The following FRRS1 variants were observed in gnomAD, a reference collection of about 807,000 sequenced individuals.
FRRS1 encodes the protein ferric reductase 1.
Under a neutral mutation model 70.7 loss-of-function variants are expected in FRRS1, and 51 were observed. That is an observed-to-expected ratio of 0.72 (90% CI 0.58 to 0.91). The LOEUF (loss-of-function observed/expected upper bound fraction) is 0.91. Among genes scored for constraint, FRRS1 ranks in the 40% least tolerant of loss-of-function variants. The probability of loss-of-function intolerance (pLI) is 0.00; values close to 1 mark genes in which losing one functional copy is unlikely to be tolerated. For missense variants in FRRS1, 672 were observed against 726.0 expected, an observed-to-expected ratio of 0.93 and a Z score of 0.86; for synonymous variants, 225 against 238.7, an observed-to-expected ratio of 0.94 and a Z score of 0.53.
intron 15 of FRRS1, among the ~76,000 whole-genome samples, chr1:99,709,813 A>T (rs1056320015): frequency 1.3e-5 from 2 of 152,064 alleles, no homozygotes; most frequent in East Asian, 1.9e-4. Flanking sequence ...AAAAAAATTT[A>T]AAAACTTAGC....
At chr1:99,719,799 G>A in intron 9 of FRRS1, 152 bp from the exon 10 acceptor site, 1 of 575,370 alleles carries the variant, frequency 1.7e-6, no homozygotes, top group South Asian at 2.1e-5. Context: ...ATATGCAAAA[G>A]CAACATAAAG....
intron 1 of FRRS1, among the ~76,000 whole-genome samples, chr1:99,760,754 A>C (rs1657078174): frequency 6.6e-6 from 1 of 152,048 alleles, no homozygotes; most frequent in Admixed American, 6.5e-5. Context: ...GGTTCAAGCG[A>C]TTCTCCTGCC....
intron 2 of FRRS1, 55 bp from the exon 3 acceptor site, chr1:99,748,823 C>T: frequency 7.3e-7 from 1 of 1,368,928 alleles, no homozygotes; most frequent in Non-Finnish European, 1.0e-6. Context: ...AATATAAAAG[C>T]TTTTACACAA....
chr1:99,728,771 T>C (rs781072462), intron 8 of FRRS1, 131 bp from the exon 9 acceptor site: 18 of 605,036 alleles, frequency 3.0e-5, no homozygotes, highest in Non-Finnish European at 4.4e-5. Flanking sequence ...TGCAGTGTCA[T>C]TGTTTTTCCA....
chr1:99,757,253 A>G (rs1050738812), intron 1 of FRRS1, among the ~76,000 whole-genome samples: 12 of 152,046 alleles, frequency 7.9e-5, no homozygotes, highest in African/African-American at 2.9e-4. Context: ...TATGCTGGTT[A>G]CACCCTACTG....
At chr1:99,732,952 T>G (rs1231024808) in intron 7 of FRRS1, among the ~76,000 whole-genome samples, 1 of 151,844 alleles carries the variant, frequency 6.6e-6, no homozygotes, top group Non-Finnish European at 1.5e-5. Context: ...CAAGTGATCC[T>G]CCCACCTCAG....
At chr1:99,759,898 A>G (rs577675923) in intron 1 of FRRS1, among the ~76,000 whole-genome samples, 1 of 152,358 alleles carries the variant, frequency 6.6e-6, no homozygotes, top group Non-Finnish European at 1.5e-5. Flanking sequence ...TCTAACTGCA[A>G]TAGCCATGTT....
chr1:99,718,382 G>A (rs1028495098), intron 10 of FRRS1, among the ~76,000 whole-genome samples: 2 of 152,180 alleles, frequency 1.3e-5, no homozygotes, highest in Non-Finnish European at 2.9e-5. Context: ...AGGCTGGAGT[G>A]CAGTGGTGCG....
intron 9 of FRRS1, among the ~76,000 whole-genome samples, chr1:99,727,307 T>C (rs1038238902): frequency 1.3e-5 from 2 of 152,236 alleles, no homozygotes; most frequent in Non-Finnish European, 2.9e-5. Context: ...TTACTCATTA[T>C]TATCAAGCCA....
chr1:99,709,231 C>A lies in FRRS1; in HGVS notation c.1653G>T (p.Gln551His), dbSNP rs1004958035. 1 of 1,610,012 alleles carries A rather than the reference C, an allele frequency of 6.2e-7. No homozygotes were observed. Among genetic ancestry groups the A allele is most frequent in the East Asian group, 2.2e-5 (1 of 44,836 alleles). The change falls in exon 16 of 17, where the codon CAG becomes CAT. Residue 551 changes from glutamine to histidine, a missense_variant. Transcript: ENST00000646001. ...CCACTGCAGTAAATGACTGAAGGATCTGAATTCTGTCATCATCCAATATTT... is the reference window on the plus strand; with the variant it reads ...CCACTGCAGTAAATGACTGAAGGATATGAATTCTGTCATCATCCAATATTT... ...KVEILDDDRI[Q>H]ILQSFTAVET...
At chr1:99,762,839 A>G (rs1657175198) in intron 1 of FRRS1, among the ~76,000 whole-genome samples, 1 of 151,980 alleles carries the variant, frequency 6.6e-6, no homozygotes, top group South Asian at 2.1e-4. Flanking sequence ...ACCTCCACCA[A>G]TTCTGCACTC....
chr1:99,737,086 C>T (rs1010425841), intron 7 of FRRS1, among the ~76,000 whole-genome samples: 1 of 152,046 alleles, frequency 6.6e-6, no homozygotes. Context: ...TCTGGTCATC[C>T]CTATGCCCCA....
chr1:99,742,153 C>T (rs1462793793), intron 5 of FRRS1, 26 bp downstream of exon 5: 4 of 1,438,974 alleles, frequency 2.8e-6, no homozygotes, highest in Non-Finnish European at 3.9e-6. Flanking sequence ...CATGCCTGGC[C>T]CAGAATTATA....
At chr1:99,746,240 A>C (rs1182681491) in intron 4 of FRRS1, among the ~76,000 whole-genome samples, 1 of 152,228 alleles carries the variant, frequency 6.6e-6, no homozygotes, top group Non-Finnish European at 1.5e-5. Flanking sequence ...AGGAAGTCTT[A>C]AGGACATGTA....
chr1:99,728,578 T>C lies in FRRS1; in HGVS notation c.921A>G (p.Arg307=), dbSNP rs766200354. 4 of 1,613,758 alleles carry C rather than the reference T, an allele frequency of 2.5e-6. No homozygotes were observed. The African/African-American group carries it at 4.0e-5, about 16-fold the overall frequency. ...ADGVMQCSFR[R]NITLPGVKNR... Reference sequence around the variant, plus strand: ...TCTTAACTCCAGGAAGGGTAATGTTTCTTCTGAAAGAACACTGCATAACAC... The same window carrying C: ...TCTTAACTCCAGGAAGGGTAATGTTCCTTCTGAAAGAACACTGCATAACAC... The change falls in exon 9 of 17, where the codon AGA becomes AGG. Residue 307 remains arginine, a synonymous_variant. Coordinates refer to ENST00000646001, the MANE Select transcript of FRRS1 (RefSeq NM_001361041.2).
chr1:99,743,184 G>A (rs1037000522), intron 4 of FRRS1, among the ~76,000 whole-genome samples: 1 of 152,068 alleles, frequency 6.6e-6, no homozygotes, highest in African/African-American at 2.4e-5. Context: ...ATAAAATTAA[G>A]GAAAAAGTCT....
At chr1:99,724,187 T>A (rs192810453) in intron 9 of FRRS1, among the ~76,000 whole-genome samples, 4 of 152,328 alleles carry the variant, frequency 2.6e-5, no homozygotes, top group Admixed American at 6.5e-5. Flanking sequence ...CAGAGTTCCA[T>A]TGTGTGGCTC....
Position 99,708,844 on chromosome 1 carries a change from G to T in FRRS1, c.*184C>A. 1 of 1,217,228 alleles carries T rather than the reference G, an allele frequency of 8.2e-7. No individual in the cohort carries two copies. The highest frequency in any genetic ancestry group is 1.2e-6 in the Non-Finnish European group (1 of 830,372). The allele number at this position is 1,217,228 out of a possible 1,614,324, so 75.4% of individuals were successfully genotyped here. ...ATATAGGGCATGACATTAATTTATAGTCTATATGACCCTCTTGAATGTTGT... is the reference window on the plus strand; with the variant it reads ...ATATAGGGCATGACATTAATTTATATTCTATATGACCCTCTTGAATGTTGT... On this transcript the variant is annotated 3_prime_UTR_variant, in exon 17 of 17. Coordinates refer to ENST00000646001, the MANE Select transcript of FRRS1 (RefSeq NM_001361041.2).
intron 9 of FRRS1, among the ~76,000 whole-genome samples, chr1:99,727,408 A>G (rs1655126458): frequency 6.6e-6 from 1 of 152,246 alleles, no homozygotes; most frequent in Non-Finnish European, 1.5e-5. Context: ...TATCACCTAT[A>G]TCTAAATCTA....
Sources: gnomAD v4.1 joint callset for allele counts (sites outside exome capture counted in the v4.1 genomes callset) on GRCh38, gnomAD v4.1.1 for gene constraint, MANE v1.5 for transcripts, NCBI Gene and HGNC (gene_info 2026-07-23, HGNC 2026-07-21) for gene names.